TRMT5: variants seen among roughly 807,000 people sequenced by gnomAD.
TRMT5 encodes tRNA (guanine(37)-N(1))-methyltransferase.
Under a neutral mutation model 42.2 loss-of-function variants are expected in TRMT5, and 31 were observed. That is an observed-to-expected ratio of 0.73 (90% CI 0.55 to 0.99). TRMT5 has a LOEUF of 0.99. Ranked by LOEUF, TRMT5 falls within the 50% of genes least tolerant of loss-of-function variation. TRMT5 has a pLI of 0.00. For missense variants in TRMT5, 568 were observed against 595.0 expected, an observed-to-expected ratio of 0.95 and a Z score of 0.47; for synonymous variants, 198 against 209.6, an observed-to-expected ratio of 0.94 and a Z score of 0.48.
upstream of TRMT5, chr14:60,981,401 C>T: frequency 6.4e-7 from 1 of 1,569,628 alleles, no homozygotes; most frequent in Non-Finnish European, 8.6e-7. Flanking sequence ...GCTGTGTTCG[C>T]TTCCCCGCGC....
At position 60,976,006 on chromosome 14, in the gene TRMT5, C is replaced by G. The variant is rs753001554; in HGVS notation, c.913G>C (p.Val305Leu). 1.2e-6 allele frequency: 2 copies of G among 1,614,192 alleles called. No homozygotes were observed. Among genetic ancestry groups the G allele is most frequent in the Non-Finnish European group, 1.7e-6 (2 of 1,180,026 alleles). The change falls in exon 4 of 5, where the codon GTT (valine) becomes CTT (leucine). Residue 305 changes from valine (V) to leucine (L), a missense_variant. Transcript: ENST00000261249. ...GCAAAGGGCCCAACCCCAGCAAAAA[C>G]ATCAAATAGGACATCCCCAGGTTTG... is the stretch of plus-strand genomic sequence containing the variant. ...LLKPGDVLFD[V>L]FAGVGPFAIP... is the part of the protein sequence containing the mutation.
In TRMT5 at chr14:60,979,246, A is replaced by G; in HGVS notation, c.652T>C (p.Phe218Leu). Reference sequence around the variant, plus strand: ...ACACACGTACCAATTAAATGTTTGAAAGGCAGCTGATGATCTCGAAGGTTT... The same window carrying G: ...ACACACGTACCAATTAAATGTTTGAGAGGCAGCTGATGATCTCGAAGGTTT... The part of the protein sequence containing the change: ...HLNLRDHQLP[F>L]KHLIGQVMID... The change falls in exon 2 of 5, where the codon TTC (phenylalanine) becomes CTC (leucine). Residue 218 changes from phenylalanine (F) to leucine (L), a missense_variant. By Grantham distance (22) the Phe-to-Leu change is conservative (BLOSUM62 0). Transcript: ENST00000261249. The G allele has an allele frequency of 6.2e-7, 1 of 1,604,552 alleles. No homozygotes were observed. The highest frequency in any genetic ancestry group is 8.5e-7 in the Non-Finnish European group (1 of 1,175,324).
rs1371541574 is a variant in TRMT5, at chr14:60,972,502, T to A, written c.*2607A>T. 8.5e-6 allele frequency: 4 copies of A among 467,948 alleles called. No individual in the cohort carries two copies. The highest frequency in any genetic ancestry group is 1.7e-5 in the Non-Finnish European group (4 of 235,464). The allele number at this position is 467,948 out of a possible 1,614,324, so 29.0% of individuals were successfully genotyped here. ...GCGGCGGCGGGATGTGGGCACCGGG[T>A]GTGGGACGCAGCAGCGCGCGGGCTT... On this transcript the variant is annotated 3_prime_UTR_variant, in exon 5 of 5. Coordinates refer to ENST00000261249, the MANE Select transcript of TRMT5 (RefSeq NM_020810.3).
rs185334157 is a variant in TRMT5, at chr14:60,980,655, C to T, written c.11+308G>A. On this transcript the variant is annotated intron_variant, in intron 1 of 4. Coordinates refer to ENST00000261249, the MANE Select transcript of TRMT5 (RefSeq NM_020810.3). ...GAATTTACTTGTAAGGGGAAAGGGC[C>T]CTGTCCCAGAATCCTGTAAAGCAAC... Among the ~76,000 whole-genome samples the T allele has an allele frequency of 2.0e-5, 3 of 152,260 alleles. No individual in the cohort carries two copies. In the East Asian group the frequency reaches 5.8e-4, roughly 29 times the overall value.
intron 1 of TRMT5, chr14:60,980,696 C>T: frequency 1.7e-6 from 1 of 581,034 alleles, no homozygotes; most frequent in South Asian, 2.3e-5. Context: ...CTAACTTCAC[C>T]GTCAGAGATC....
chr14:60,980,838 C>A, intron 1 of TRMT5, 125 bp downstream of exon 1: 6 of 1,432,572 alleles, frequency 4.2e-6, no homozygotes, highest in Non-Finnish European at 4.9e-6. Flanking sequence ...AAACTAAGCT[C>A]AGCACCTAGG....
At position 60,975,766 on chromosome 14, in the gene TRMT5, C is replaced by T. The variant is rs549009711; in HGVS notation, c.1153G>A (p.Val385Ile). The T allele has an allele frequency of 6.2e-7, 1 of 1,614,248 alleles. No individual in the cohort carries two copies. The highest frequency in any genetic ancestry group is 1.3e-5 in the African/African-American group (1 of 75,064). Residue 385 changes from valine (V) to isoleucine (I), a missense_variant, in exon 4 of 5, where the codon GTC becomes ATC. Transcript: ENST00000261249. Reference sequence around the variant, plus strand: ...ATAGCTTTTGCTGGCAAGTTCATGACAACGTGCACAGAGGGTTTTCTTTCT... The same window carrying T: ...ATAGCTTTTGCTGGCAAGTTCATGATAACGTGCACAGAGGGTTTTCTTTCT... ...SKERKPSVHV[V>I]MNLPAKAIEF... is the part of the protein sequence containing the mutation.
At chr14:60,979,084 G>C (rs1460190772) in intron 2 of TRMT5, 147 bp downstream of exon 2, 8 of 707,122 alleles carry the variant, frequency 1.1e-5, no homozygotes, top group Middle Eastern at 3.8e-4. Flanking sequence ...CTCAAAAGAG[G>C]GTATGTAGCT....
In TRMT5 at chr14:60,977,550, C is replaced by T; in HGVS notation, c.756G>A (p.Met252Ile). 1 of 1,610,696 alleles carries T rather than the reference C, an allele frequency of 6.2e-7. No individual in the cohort carries two copies. Among genetic ancestry groups the T allele is most frequent in the Non-Finnish European group, 8.5e-7 (1 of 1,178,282 alleles). Residue 252 changes from methionine to isoleucine, a missense_variant, in exon 3 of 5, where the codon ATG becomes ATA. Transcript: ENST00000261249. ...TGTTCTGCTCTCCAGATAGCACTTCCATTTGGAAATTTCGGTACATATTGT... is the reference window on the plus strand; with the variant it reads ...TGTTCTGCTCTCCAGATAGCACTTCTATTTGGAAATTTCGGTACATATTGT... ...NIDNMYRNFQMEVLSGEQNMM... is the reference protein window; with the variant it reads ...NIDNMYRNFQIEVLSGEQNMM...
At position 60,981,006 on chromosome 14, in the gene TRMT5, C is replaced by T; in HGVS notation, c.-33G>A. ...CCCCACGTCGCTCTGCAGCTGGATC[C>T]GCGAGCCGACCCCTCACCTCCCGCT... On this transcript the variant is annotated 5_prime_UTR_variant, in exon 1 of 5. Coordinates refer to ENST00000261249, the MANE Select transcript of TRMT5 (RefSeq NM_020810.3). 6.2e-7 allele frequency: 1 copy of T among 1,609,240 alleles called. No individual in the cohort carries two copies.
chr14:60,977,577 A>G lies in TRMT5; in HGVS notation c.729T>C (p.Ile243=). ...TTTGGAAATTTCGGTACATATTGTC[A>G]ATATTATTTATTTTATTTACTGCTG... The part of the protein sequence containing the change: ...ITSAVNKINN[I]DNMYRNFQME... The change falls in exon 3 of 5, where the codon ATT becomes ATC. Residue 243 remains isoleucine, a synonymous_variant. Coordinates refer to ENST00000261249, the MANE Select transcript of TRMT5 (RefSeq NM_020810.3). 1 of 1,611,048 alleles carries G rather than the reference A, an allele frequency of 6.2e-7. No individual in the cohort carries two copies. Among genetic ancestry groups the G allele is most frequent in the Admixed American group, 1.7e-5 (1 of 59,854 alleles).
At position 60,975,113 on chromosome 14, in the gene TRMT5, G is replaced by A; in HGVS notation, c.1526C>T (p.Thr509Ile). The A allele has an allele frequency of 6.2e-7, 1 of 1,605,580 alleles. No individual in the cohort carries two copies. Among genetic ancestry groups the A allele is most frequent in the Non-Finnish European group, 8.5e-7 (1 of 1,176,298 alleles). The change falls in exon 5 of 5, where the codon ACT becomes ATT. Residue 509 changes from threonine to isoleucine, a missense_variant. By Grantham distance (89) the Thr-to-Ile change is moderately conservative. Transcript: ENST00000261249. ...AGATGGAGAAAACATTTCCAATTAA[G>A]TGTTTGAAACAATTTGTGTTTTTTC... is the stretch of plus-strand genomic sequence containing the variant. ...SDEKTQIVSN[T>I]
rs763166730 is a variant in TRMT5, at chr14:60,981,040, G to A, written c.-67C>T. 14 of 1,609,614 alleles carry A rather than the reference G, an allele frequency of 8.7e-6. No homozygotes were observed. In the Middle Eastern group the frequency reaches 4.9e-4, roughly 57 times the overall value. On this transcript the variant is annotated 5_prime_UTR_variant, in exon 1 of 5. Transcript: ENST00000261249. ...ACCCCTCACCTCCCGCTCCGGTACC[G>A]ATCGGATGTGGGTCGCGGGTGGATG...
chr14:60,978,272 A>AT (rs1207739605), intron 2 of TRMT5, among the ~76,000 whole-genome samples: 1 of 152,250 alleles, frequency 6.6e-6, no homozygotes, highest in Non-Finnish European at 1.5e-5. Flanking sequence ...TAAAAAAGTT[A>AT]TAAAAATCTA....
In TRMT5 at chr14:60,979,653, A is replaced by C; in HGVS notation, c.245T>G (p.Met82Arg). The change falls in exon 2 of 5, where the codon ATG (methionine) becomes AGG (arginine). Residue 82 changes from methionine (M) to arginine (R), a missense_variant. Physicochemically the swap from Met to Arg is moderately conservative, Grantham distance 91. Coordinates refer to ENST00000261249, the MANE Select transcript of TRMT5 (RefSeq NM_020810.3). The part of the protein sequence containing the change: ...LFSPPSDVRG[M>R]TKLDRTAFKK... The stretch of plus-strand genomic sequence containing the variant: ...AAAAGCTGTTCTATCAAGTTTTGTC[A>C]TGCCTCGGACATCAGAAGGTGGTGA... 1 of 1,614,138 alleles carries C rather than the reference A, an allele frequency of 6.2e-7. No homozygotes were observed. The highest frequency in any genetic ancestry group is 8.5e-7 in the Non-Finnish European group (1 of 1,180,028).
rs746551876 is a variant in TRMT5 at position 60,975,163 on chromosome 14, C to G, written c.1476G>C (p.Gln492His). 1 of 1,609,036 alleles carries G rather than the reference C, an allele frequency of 6.2e-7. No individual in the cohort carries two copies. The highest frequency in any genetic ancestry group is 8.5e-7 in the Non-Finnish European group (1 of 1,178,424). The change falls in exon 5 of 5, where the codon CAG becomes CAC. Residue 492 changes from glutamine to histidine, a missense_variant. By Grantham distance (24) the Gln-to-His change is conservative. Transcript: ENST00000261249. ...CGTCTGAAAAGGCTTCAGCCGTCCT[C>G]TGCCTTTTAAGAGGTGGATCTTCAT... ...ENHEDPPLKR[Q>H]RTAEAFSDEK...
At chr14:60,977,731 T>G in intron 2 of TRMT5, 93 bp from the exon 3 acceptor site, 1 of 1,313,516 alleles carries the variant, frequency 7.6e-7, no homozygotes, top group Non-Finnish European at 1.0e-6. Context: ...GTTGTATTTC[T>G]TTTGGTTGAT....
chr14:60,979,309 T>C lies in TRMT5; in HGVS notation c.589A>G (p.Thr197Ala). 6.2e-7 allele frequency: 1 copy of C among 1,614,106 alleles called. No homozygotes were observed. Among genetic ancestry groups the C allele is most frequent in the Non-Finnish European group, 8.5e-7 (1 of 1,179,970 alleles). Residue 197 changes from threonine to alanine, a missense_variant, in exon 2 of 5, where the codon ACT becomes GCT. Coordinates refer to ENST00000261249, the MANE Select transcript of TRMT5 (RefSeq NM_020810.3). Reference sequence around the variant, plus strand: ...TGTCCAATCCTGCTAAACCCTGAAGTTACATCTTGACCTTCAGGAAGCACA... The same window carrying C: ...TGTCCAATCCTGCTAAACCCTGAAGCTACATCTTGACCTTCAGGAAGCACA... ...RAVLPEGQDVTSGFSRIGHIA... is the reference protein window; with the variant it reads ...RAVLPEGQDVASGFSRIGHIA...
chr14:60,972,209 G>C lies in TRMT5; in HGVS notation c.*2900C>G. On this transcript the variant is annotated 3_prime_UTR_variant, in exon 5 of 5. Transcript: ENST00000261249. ...GATAAAGAATATTTCAAACTGTACA[G>C]TCACCAGAAGTACAGTTATAAAAAA... 2.0e-6 allele frequency: 1 copy of C among 505,798 alleles called. No homozygotes were observed. The highest frequency in any genetic ancestry group is 1.4e-5 in the South Asian group (1 of 69,056). The allele number at this position is 505,798 out of a possible 1,614,324, so 31.3% of individuals were successfully genotyped here. A position where few individuals can be genotyped will look rare whatever the true frequency, so the allele number is the denominator to read the frequency against.
Sources: gnomAD v4.1 joint callset for allele counts (sites outside exome capture counted in the v4.1 genomes callset) on GRCh38, gnomAD v4.1.1 for gene constraint, MANE v1.5 for transcripts, NCBI Gene and HGNC (gene_info 2026-07-23, HGNC 2026-07-21) for gene names.